The following TNKS1BP1 variants were observed in gnomAD, a reference collection of about 807,000 sequenced individuals.
TNKS1BP1 encodes CCR4-NOT transcription complex subunit 12.
TNKS1BP1 carries 48 observed loss-of-function variants against 141.1 expected under a neutral mutation model. That is an observed-to-expected ratio of 0.34 (90% CI 0.27 to 0.43). The LOEUF is 0.43. TNKS1BP1 is among the 20% of genes least tolerant of loss of function. TNKS1BP1 has a pLI of 1.00. For synonymous variants in TNKS1BP1, 875 were observed against 898.2 expected (o/e 0.97, Z 0.46); for missense variants, 2,149 against 2,226.0 (o/e 0.97, Z 0.70).
intron 9 of TNKS1BP1, 103 bp from the exon 10 acceptor site, chr11:57,301,144 C>G (rs1855519027): frequency 7.9e-7 from 1 of 1,260,730 alleles, no homozygotes; most frequent in Non-Finnish European, 1.1e-6. Flanking sequence ...CAGAATCAAG[C>G]AGAGACCCCT....
intron 10 of TNKS1BP1, 128 bp from the exon 11 acceptor site, chr11:57,300,728 C>A: frequency 1.3e-6 from 2 of 1,501,842 alleles, no homozygotes; most frequent in South Asian, 1.2e-5. Flanking sequence ...TGCAGGGACC[C>A]AAATTCTGAC....
intron 3 of TNKS1BP1, among the ~76,000 whole-genome samples, chr11:57,319,079 A>T (rs1342242612): frequency 6.8e-6 from 1 of 146,968 alleles, no homozygotes; most frequent in Non-Finnish European, 1.5e-5. Context: ...CAGGAGGTGG[A>T]GCTTGCAGTG....
At chr11:57,320,024 C>CCCCCCCA in intron 3 of TNKS1BP1, 55 bp downstream of exon 3, 1 of 654,162 alleles carries the variant, frequency 1.5e-6, no homozygotes, top group Non-Finnish European at 2.6e-6. Flanking sequence ...CCCACCCAAT[C>CCCCCCCA]CCACCCCACC....
intron 6 of TNKS1BP1, among the ~76,000 whole-genome samples, chr11:57,307,603 T>G (rs1855632989): frequency 6.6e-6 from 1 of 150,832 alleles, no homozygotes; most frequent in South Asian, 2.1e-4. Flanking sequence ...ACATACCCAG[T>G]GAGAAGCTCC....
intron 1 of TNKS1BP1, among the ~76,000 whole-genome samples, chr11:57,324,145 G>A (rs1855926758): frequency 6.6e-6 from 1 of 152,250 alleles, no homozygotes; most frequent in Non-Finnish European, 1.5e-5. Flanking sequence ...CAGCCCCGGA[G>A]GGGACTCGGC....
At chr11:57,319,242 G>A (rs1019108033) in intron 3 of TNKS1BP1, among the ~76,000 whole-genome samples, 1 of 150,790 alleles carries the variant, frequency 6.6e-6, no homozygotes, top group Non-Finnish European at 1.5e-5. Flanking sequence ...CCTGACACAC[G>A]CAGCCCCACC....
chr11:57,320,652 G>T lies in TNKS1BP1; in HGVS notation c.155C>A (p.Ala52Asp). 1 of 1,610,380 alleles carries T rather than the reference G, an allele frequency of 6.2e-7. No homozygotes were observed. Among genetic ancestry groups the T allele is most frequent in the Middle Eastern group, 1.9e-4 (1 of 5,378 alleles). The change falls in exon 3 of 12, where the codon GCC (alanine) becomes GAC (aspartate). Residue 52 changes from alanine to aspartate, a missense_variant. Coordinates refer to ENST00000358252, the MANE Select transcript of TNKS1BP1 (RefSeq NM_033396.3). ...CAGCAGGCTGGGTTTGGCAGGCAGG[G>T]CTGGCTTGGCAGGCAGGGCCCGGGG... ...PKPRALPAKP[A>D]LPAKPSLLVP...
chr11:57,313,970 C>G, intron 4 of TNKS1BP1, 81 bp from the exon 5 acceptor site: 1 of 1,348,904 alleles, frequency 7.4e-7, no homozygotes, highest in South Asian at 1.9e-5. Context: ...CACACAGACC[C>G]CAGGTCAGCT....
intron 10 of TNKS1BP1, 100 bp from the exon 11 acceptor site, chr11:57,300,700 G>C (rs1855512326): frequency 1.3e-6 from 2 of 1,529,554 alleles, no homozygotes; most frequent in Non-Finnish European, 1.8e-6. Flanking sequence ...AACCAGAAGA[G>C]GCAGTCTGGG....
rs1855662927 is a variant in TNKS1BP1, at chr11:57,309,210, G to A, written c.3501C>T (p.Leu1167=). 6.2e-7 allele frequency: 1 copy of A among 1,614,034 alleles called. No homozygotes were observed. Among genetic ancestry groups the A allele is most frequent in the African/African-American group, 1.3e-5 (1 of 74,912 alleles). ...GSVDWTDQLG[L]RNLEVSSCVG... ...CACAGCTGGACACTTCCAAGTTCCT[G>A]AGACCCAGCTGGTCAGTCCAGTCCA... The change falls in exon 6 of 12, where the codon CTC becomes CTT. Residue 1167 remains leucine, a synonymous_variant. Transcript: ENST00000358252. The surrounding 1 kb of genome is among the most constrained non-coding windows in gnomAD (Gnocchi z 4.3).
intron 1 of TNKS1BP1, among the ~76,000 whole-genome samples, chr11:57,323,945 T>A (rs551392024): frequency 3.3e-5 from 5 of 151,962 alleles, no homozygotes; most frequent in Non-Finnish European, 7.4e-5. Context: ...GGTGCGGAGG[T>A]GGCCACAGCA....
Position 57,311,203 on chromosome 11 carries a change from G to A in TNKS1BP1, c.2155-647C>T, listed in dbSNP as rs1036862016. ...GGGAAAATCCCAGCCAGGGCTTCTT[G>A]CACCCCACCCCCCACCTCACGCTCC... On this transcript the variant is annotated intron_variant, in intron 5 of 11. Transcript: ENST00000358252. The A allele has an allele frequency of 2.6e-5, 26 of 981,308 alleles. No homozygotes were observed. The African/African-American group carries it at 3.8e-4, about 15-fold the overall frequency. The allele number at this position is 981,308 out of a possible 1,614,324, so 60.8% of individuals were successfully genotyped here.
intron 1 of TNKS1BP1, among the ~76,000 whole-genome samples, chr11:57,324,633 C>G (rs997984125): frequency 1.4e-3 from 214 of 151,718 alleles, no homozygotes; most frequent in Non-Finnish European, 2.7e-3. Context: ...GCCATGCGCC[C>G]TCCGCCTCCG....
chr11:57,313,980 T>G, intron 4 of TNKS1BP1, 91 bp from the exon 5 acceptor site: 1 of 1,325,500 alleles, frequency 7.5e-7, no homozygotes, highest in Non-Finnish European at 9.7e-7. Context: ...CCAGGTCAGC[T>G]TCTCCCAGGC....
At position 57,313,195 on chromosome 11, in the gene TNKS1BP1, G is replaced by A. The variant is rs1385854494; in HGVS notation, c.1493C>T (p.Ser498Phe). The A allele has an allele frequency of 1.2e-6, 2 of 1,612,466 alleles. No homozygotes were observed. Among genetic ancestry groups the A allele is most frequent in the South Asian group, 1.1e-5 (1 of 91,090 alleles). ...GGCCTCACTGGCTTCAGTGATGGGG[G>A]AGGGAGGCGGGGAGTCCAGCCGCCA... ...GVWRLDSPPP[S>F]PITEASEAAE... Residue 498 changes from serine to phenylalanine, a missense_variant, in exon 5 of 12, where the codon TCC becomes TTC. Ser to Phe is a radical substitution (Grantham distance 155). Coordinates refer to ENST00000358252, the MANE Select transcript of TNKS1BP1 (RefSeq NM_033396.3).
Position 57,308,644 on chromosome 11 carries a change from A to G in TNKS1BP1, c.4067T>C (p.Phe1356Ser), listed in dbSNP as rs1414814268. The G allele has an allele frequency of 2.5e-6, 4 of 1,613,296 alleles. No individual in the cohort carries two copies. The highest frequency in any genetic ancestry group is 2.2e-5 in the East Asian group (1 of 44,890). The change falls in exon 6 of 12, where the codon TTT (phenylalanine) becomes TCT (serine). Residue 1356 changes from phenylalanine (F) to serine (S), a missense_variant. Coordinates refer to ENST00000358252, the MANE Select transcript of TNKS1BP1 (RefSeq NM_033396.3). ...CTCCCTGGCTTCACTTGGAGCCCCA[A>G]AGAGCTCCACATTCTGGGGCGCCAA... Reference protein sequence around the residue: ...QDLAPQNVELFGAPSEAREHG... With the variant: ...QDLAPQNVELSGAPSEAREHG...
At position 57,320,343 on chromosome 11, in the gene TNKS1BP1, C is replaced by A; in HGVS notation, c.464G>T (p.Arg155Leu). ...CTCTTCCACCGTGGTGGCCGCGAAG[C>A]GCTCTGAGGCTGGGCGGAAAGGGGC... ...APAPFRPASE[R>L]FAATTVEEIL... Residue 155 changes from arginine (R) to leucine (L), a missense_variant, in exon 3 of 12, where the codon CGC (arginine) becomes CTC (leucine). Transcript: ENST00000358252. The A allele has an allele frequency of 6.2e-7, 1 of 1,614,178 alleles. No individual in the cohort carries two copies. The highest frequency in any genetic ancestry group is 1.1e-5 in the South Asian group (1 of 91,076).
Position 57,312,709 on chromosome 11 carries a change from T to C in TNKS1BP1, c.1979A>G (p.Gln660Arg). ...CAAGTCTTGAGCCTCTGTCCTGGCT[T>C]GGGTGGTCTCAGCCCGGGCTAGGGT... The part of the protein sequence containing the change: ...AVTLARAETT[Q>R]ARTEAQDLCR... The change falls in exon 5 of 12, where the codon CAA (glutamine) becomes CGA (arginine). Residue 660 changes from glutamine to arginine, a missense_variant. Physicochemically the swap from Gln to Arg is conservative, Grantham distance 43. Transcript: ENST00000358252. 6.4e-7 allele frequency: 1 copy of C among 1,573,302 alleles called. No individual in the cohort carries two copies. Among genetic ancestry groups the C allele is most frequent in the Non-Finnish European group, 8.6e-7 (1 of 1,158,472 alleles).
intron 4 of TNKS1BP1, 79 bp from the exon 5 acceptor site, chr11:57,313,968 C>G: frequency 7.4e-7 from 1 of 1,350,266 alleles, no homozygotes; most frequent in Non-Finnish European, 9.5e-7. Flanking sequence ...CCCACACAGA[C>G]CCCAGGTCAG....
Sources: allele counts gnomAD v4.1 joint callset (sites outside exome capture counted in the v4.1 genomes callset), GRCh38; gene constraint gnomAD v4.1.1; non-coding constraint Gnocchi (gnomAD v3.1); transcripts MANE v1.5; gene names NCBI Gene and HGNC (gene_info 2026-07-23, HGNC 2026-07-21).